Variants in TGFB2 observed in about 807,000 individuals in gnomAD.
TGFB2 encodes transforming growth factor beta-2 proprotein.
A neutral mutation model predicts 42.7 loss-of-function variants in TGFB2; 13 were observed. The ratio of observed to expected loss-of-function variants is 0.30; its 90% CI spans 0.20 to 0.48. TGFB2 has a LOEUF of 0.48. Among genes scored for constraint, TGFB2 ranks in the 20% least tolerant of loss-of-function variants. The probability of loss-of-function intolerance (pLI) is 0.99; values close to 1 mark genes in which losing one functional copy is unlikely to be tolerated. For synonymous variants in TGFB2, 193 were observed against 193.6 expected (o/e 1.00, Z 0.03); for missense variants, 390 against 517.5 (o/e 0.75, Z 2.39).
chr1:218,352,657 T>C (rs1004935943), intron 1 of TGFB2, among the ~76,000 whole-genome samples: 1 of 152,152 alleles, frequency 6.6e-6, no homozygotes. Flanking sequence ...CAGAAGTGGG[T>C]GTTTAAGTGC....
At chr1:218,431,218 G>C (rs1659796825) in intron 2 of TGFB2, among the ~76,000 whole-genome samples, 1 of 152,200 alleles carries the variant, frequency 6.6e-6, no homozygotes, top group African/African-American at 2.4e-5. Flanking sequence ...CAAGTGAGAG[G>C]ATGAGATTGT....
Position 218,441,200 on chromosome 1 carries a change from T to C in TGFB2, c.1087-4T>C. The stretch of plus-strand genomic sequence containing the variant: ...GTTGTCTCTCCTCTCCTGTGTCCTT[T>C]CAGGTCCTGAGCTTATATAATACCA... On this transcript the variant is annotated splice_polypyrimidine_tract_variant and splice_region_variant and intron_variant, in intron 6 of 6. Coordinates refer to ENST00000366930, the MANE Select transcript of TGFB2 (RefSeq NM_003238.6). The C allele has an allele frequency of 6.2e-7, 1 of 1,603,058 alleles. No individual in the cohort carries two copies. Among genetic ancestry groups the C allele is most frequent in the Non-Finnish European group, 8.5e-7 (1 of 1,177,498 alleles).
In TGFB2 at chr1:218,346,675, C is replaced by CA; in HGVS notation, c.-25dup. On this transcript the variant is annotated 5_prime_UTR_variant, in exon 1 of 7. Transcript: ENST00000366930. This position sits in a 1 kb window ranked among gnomAD's most constrained non-coding sequence, Gnocchi z 4.9. ...TTTTTTTTATTCTGACTTTTAAAAACAACTTTTTTTTCCACTTTTTTAAAA... is the reference window on the plus strand; with the variant it reads ...TTTTTTTTATTCTGACTTTTAAAAACAAACTTTTTTTTCCACTTTTTTAAAA... 1 of 1,555,968 alleles carries CA rather than the reference C, an allele frequency of 6.4e-7. No homozygotes were observed. The highest frequency in any genetic ancestry group is 1.2e-5 in the South Asian group (1 of 83,088).
In TGFB2 at chr1:218,431,566, A is replaced by G. The variant is rs2153573; in HGVS notation, c.511-2516A>G. Among the ~76,000 whole-genome samples the G allele has an allele frequency of 4.7e-3, 717 of 152,346 alleles. 8 individuals are homozygous for G. The highest frequency in any genetic ancestry group is 0.016 in the African/African-American group (660 of 41,570). The stretch of plus-strand genomic sequence containing the variant: ...TATATCATAAGTAATTAATTCAGCA[A>G]TGGAGACAATGTTTAGTTCTAGGTA... On this transcript the variant is annotated intron_variant, in intron 2 of 6. Coordinates refer to ENST00000366930, the MANE Select transcript of TGFB2 (RefSeq NM_003238.6).
chr1:218,361,401 T>G (rs1216502436), intron 1 of TGFB2, among the ~76,000 whole-genome samples: 2 of 152,138 alleles, frequency 1.3e-5, no homozygotes, highest in Non-Finnish European at 2.9e-5. Flanking sequence ...AGGCTGGAAA[T>G]TGCAAGTGAC....
intron 1 of TGFB2, among the ~76,000 whole-genome samples, chr1:218,400,786 G>T (rs1658688641): frequency 6.6e-6 from 1 of 152,150 alleles, no homozygotes; most frequent in Non-Finnish European, 1.5e-5. Context: ...TCCTGAAATG[G>T]CATGGGTTGT....
chr1:218,350,023 C>A (rs1364202050), intron 1 of TGFB2, among the ~76,000 whole-genome samples: 2 of 152,206 alleles, frequency 1.3e-5, no homozygotes, highest in Non-Finnish European at 2.9e-5. Context: ...AGTTTGCCCA[C>A]TGGGAATTAG....
chr1:218,436,268 G>GT (rs1160958138), intron 5 of TGFB2, 121 bp downstream of exon 5: 1 of 931,488 alleles, frequency 1.1e-6, no homozygotes, highest in Non-Finnish European at 1.6e-6. Context: ...ATAGAGTGCA[G>GT]TACAGCTCCT....
chr1:218,424,583 A>G (rs1659560037), intron 2 of TGFB2, among the ~76,000 whole-genome samples: 1 of 152,206 alleles, frequency 6.6e-6, no homozygotes, highest in South Asian at 2.1e-4. Flanking sequence ...TGAGCACTCC[A>G]GATGTTTCTG....
At chr1:218,429,874 A>G (rs2102621505) in intron 2 of TGFB2, among the ~76,000 whole-genome samples, 1 of 152,340 alleles carries the variant, frequency 6.6e-6, no homozygotes, top group Middle Eastern at 3.4e-3. Flanking sequence ...ATATCATTTC[A>G]TGCTTTCTAG....
At chr1:218,418,126 A>C (rs185319732) in intron 2 of TGFB2, among the ~76,000 whole-genome samples, 1 of 152,332 alleles carries the variant, frequency 6.6e-6, no homozygotes, top group Non-Finnish European at 1.5e-5. Flanking sequence ...ATCCACCAAC[A>C]GCTTGCACCG....
intron 6 of TGFB2, among the ~76,000 whole-genome samples, chr1:218,440,680 A>G (rs10482836): frequency 0.022 from 3,316 of 152,350 alleles, 77 homozygotes; most frequent in South Asian, 0.046. Flanking sequence ...CACTTAGTAC[A>G]TGAATCTCAT....
intron 1 of TGFB2, among the ~76,000 whole-genome samples, chr1:218,368,090 C>T (rs190376835): frequency 3.3e-5 from 5 of 152,216 alleles, no homozygotes; most frequent in Non-Finnish European, 4.4e-5. Flanking sequence ...CATGAGCCAC[C>T]GTGCCCGGCT....
chr1:218,429,187 G>A (rs1659726435), intron 2 of TGFB2, among the ~76,000 whole-genome samples: 1 of 151,948 alleles, frequency 6.6e-6, no homozygotes, highest in Non-Finnish European at 1.5e-5. Context: ...CACCATGTTG[G>A]CCAGGCTGGT....
intron 5 of TGFB2, among the ~76,000 whole-genome samples, chr1:218,436,654 G>A (rs1394216458): frequency 6.6e-6 from 1 of 152,204 alleles, no homozygotes; most frequent in African/African-American, 2.4e-5. Context: ...TCCCACATGA[G>A]TGCATGGAGG....
chr1:218,414,873 A>G (rs1442720036), intron 2 of TGFB2, among the ~76,000 whole-genome samples: 1 of 152,210 alleles, frequency 6.6e-6, no homozygotes, highest in Non-Finnish European at 1.5e-5. Flanking sequence ...GGATACAGTG[A>G]AGTTCAGTAG....
chr1:218,415,135 A>G (rs978578097), intron 2 of TGFB2, among the ~76,000 whole-genome samples: 1 of 152,240 alleles, frequency 6.6e-6, no homozygotes, highest in Non-Finnish European at 1.5e-5. Context: ...TATAAGGCAT[A>G]GAGATAATGC....
chr1:218,365,132 G>T (rs972837461), intron 1 of TGFB2, among the ~76,000 whole-genome samples: 1 of 152,084 alleles, frequency 6.6e-6, no homozygotes, highest in African/African-American at 2.4e-5. Context: ...GTTTGGAGAG[G>T]TAAACACCTT....
chr1:218,391,302 C>T (rs11118097), intron 1 of TGFB2, among the ~76,000 whole-genome samples: 23,781 of 152,070 alleles, frequency 0.16, 3,444 homozygotes, highest in African/African-American at 0.39. Context: ...GGAAGACTCA[C>T]TGTGGTGGTA....
Sources: gnomAD v4.1 joint callset for allele counts (sites outside exome capture counted in the v4.1 genomes callset) on GRCh38, gnomAD v4.1.1 for gene constraint, Gnocchi (gnomAD v3.1) non-coding constraint, MANE v1.5 for transcripts, NCBI Gene and HGNC (gene_info 2026-07-23, HGNC 2026-07-21) for gene names.